The following XRRA1 variants were observed in gnomAD, a reference collection of about 807,000 sequenced individuals.
The protein encoded by XRRA1 is X-ray radiation resistance-associated protein 1.
Under a neutral mutation model 80.2 loss-of-function variants are expected in XRRA1, and 69 were observed. The observed-to-expected ratio is 0.86, with a 90% CI of 0.71 to 1.05. The LOEUF (loss-of-function observed/expected upper bound fraction) is 1.05. Among genes scored for constraint, XRRA1 ranks in the 50% least tolerant of loss-of-function variants. The pLI is 0.00. For missense variants in XRRA1, 967 were observed against 976.4 expected (o/e 0.99, Z 0.13); for synonymous variants, 348 against 389.9 (o/e 0.89, Z 1.27).
intron 10 of XRRA1, among the ~76,000 whole-genome samples, chr11:74,899,554 CA>C (rs2053142866): frequency 6.6e-6 from 1 of 151,912 alleles, no homozygotes; most frequent in South Asian, 2.1e-4. Flanking sequence ...TAAATAAAAT[CA>C]GAGATAAAAA....
At chr11:74,939,576 C>T (rs1183310918) in intron 3 of XRRA1, among the ~76,000 whole-genome samples, 1 of 152,136 alleles carries the variant, frequency 6.6e-6, no homozygotes, top group East Asian at 1.9e-4. Flanking sequence ...TTACTTCTGG[C>T]ACCATAAGAT....
At chr11:74,904,569 T>A (rs1212370678) in intron 10 of XRRA1, among the ~76,000 whole-genome samples, 1 of 150,990 alleles carries the variant, frequency 6.6e-6, no homozygotes, top group Non-Finnish European at 1.5e-5. Flanking sequence ...AACTTAGTGC[T>A]CACAAGAAGA....
At chr11:74,914,049 G>A (rs1937645558) in intron 8 of XRRA1, among the ~76,000 whole-genome samples, 2 of 152,100 alleles carry the variant, frequency 1.3e-5, no homozygotes, top group Admixed American at 1.3e-4. Context: ...GCAGTGGTGT[G>A]ATCTTGGCTC....
In XRRA1 at chr11:74,877,924, C is replaced by T. The variant is rs1181177972; in HGVS notation, c.1004-14903G>A. ...TGTGAATAATGCTGCAATAAACATA[C>T]GTGTGCATGTGTCTTTATAGCAGCA... On this transcript the variant is annotated intron_variant, in intron 10 of 18. Transcript: ENST00000684022. Among the ~76,000 whole-genome samples, 13 of 151,818 alleles carry T rather than the reference C, an allele frequency of 8.6e-5. No individual in the cohort carries two copies. The East Asian group carries it at 1.6e-3, about 18-fold the overall frequency.
chr11:74,847,121 T>C (rs994458602), intron 15 of XRRA1, among the ~76,000 whole-genome samples: 1 of 152,216 alleles, frequency 6.6e-6, no homozygotes, highest in Non-Finnish European at 1.5e-5. Context: ...TCTCAAATTG[T>C]TTCTTTTAAA....
Position 74,906,308 on chromosome 11 carries a change from T to A in XRRA1, c.934A>T (p.Met312Leu). ...PQFMLQSKPR[M>L]LEDSDEQLDY... ...AGTTGCTCATCTGAGTCCTCAAGCA[T>A]CCTTGGCTTGGACTGCAGCATGAAT... The change falls in exon 10 of 19, where the codon ATG becomes TTG. Residue 312 changes from methionine (M) to leucine (L), a missense_variant. Physicochemically the swap from Met to Leu is conservative, Grantham distance 15. Transcript: ENST00000684022. The A allele has an allele frequency of 6.2e-7, 1 of 1,614,014 alleles. No homozygotes were observed.
At chr11:74,852,494 C>T (rs928672260) in intron 12 of XRRA1, among the ~76,000 whole-genome samples, 4 of 152,172 alleles carry the variant, frequency 2.6e-5, no homozygotes, top group African/African-American at 9.7e-5. Flanking sequence ...CTTCAGGATA[C>T]AATTTGACAC....
At chr11:74,922,609 T>C (rs1417923639) in intron 7 of XRRA1, among the ~76,000 whole-genome samples, 1 of 152,204 alleles carries the variant, frequency 6.6e-6, no homozygotes, top group Non-Finnish European at 1.5e-5. Context: ...TTTCAGCAAC[T>C]TATTCAATTG....
chr11:74,934,374 G>A (rs1354686666), intron 4 of XRRA1, among the ~76,000 whole-genome samples: 4 of 151,978 alleles, frequency 2.6e-5, no homozygotes, highest in Non-Finnish European at 5.9e-5. Context: ...ATTTATTTAT[G>A]GTACCCACCA....
At chr11:74,917,660 C>A (rs904890869) in intron 8 of XRRA1, among the ~76,000 whole-genome samples, 1 of 152,162 alleles carries the variant, frequency 6.6e-6, no homozygotes, top group African/African-American at 2.4e-5. Flanking sequence ...CTCATAACCA[C>A]AACCTAAGGT....
At chr11:74,890,327 G>A (rs1453945701) in intron 10 of XRRA1, among the ~76,000 whole-genome samples, 1 of 152,196 alleles carries the variant, frequency 6.6e-6, no homozygotes, top group Non-Finnish European at 1.5e-5. Flanking sequence ...AATGAAGGCA[G>A]AAATAAAGAT....
chr11:74,876,932 T>C (rs1372611339), intron 10 of XRRA1: 1 of 152,216 alleles, frequency 6.6e-6, no homozygotes, highest in Non-Finnish European at 1.5e-5. Flanking sequence ...TGATTATCCA[T>C]GAGATTACAG....
chr11:74,882,699 CCTTT>C (rs1181393592), intron 10 of XRRA1, among the ~76,000 whole-genome samples: 1 of 151,574 alleles, frequency 6.6e-6, no homozygotes, highest in Non-Finnish European at 1.5e-5. Context: ...GTGTGGATGT[CCTTT>C]CTGTTTGTTA....
intron 8 of XRRA1, among the ~76,000 whole-genome samples, chr11:74,918,416 G>A (rs1328183420): frequency 1.3e-5 from 2 of 152,100 alleles, no homozygotes; most frequent in Non-Finnish European, 2.9e-5. Context: ...CTTTAGAAGA[G>A]AAAATAATAT....
At position 74,843,881 on chromosome 11, in the gene XRRA1, G is replaced by T. The variant is rs867010109; in HGVS notation, c.2122C>A (p.Pro708Thr). ...LDDIFIRLRD[P>T]RNITEAPLGA... ...AGTGGAGCCTCTGTAATGTTCCGGG[G>T]ATCCCGCAAGCGAATGAAGATGTCA... The change falls in exon 18 of 19, where the codon CCC becomes ACC. Residue 708 changes from proline (P) to threonine (T), a missense_variant. Physicochemically the swap from Pro to Thr is conservative, Grantham distance 38. Coordinates refer to ENST00000684022, the MANE Select transcript of XRRA1 (RefSeq NM_001378157.1). The T allele has an allele frequency of 6.2e-7, 1 of 1,612,222 alleles. No homozygotes were observed. The highest frequency in any genetic ancestry group is 1.3e-5 in the African/African-American group (1 of 74,906).
At chr11:74,929,641 C>T (rs775346826) in intron 6 of XRRA1, among the ~76,000 whole-genome samples, 6 of 152,190 alleles carry the variant, frequency 3.9e-5, no homozygotes, top group African/African-American at 4.8e-5. Context: ...CTCCAGCAGC[C>T]GGAAATGCCT....
chr11:74,883,820 G>A (rs780906854), intron 10 of XRRA1, among the ~76,000 whole-genome samples: 1 of 152,176 alleles, frequency 6.6e-6, no homozygotes, highest in Admixed American at 6.5e-5. Context: ...GATACAGGGG[G>A]TAGAAAGAAA....
chr11:74,850,116 A>C (rs2135513244), intron 14 of XRRA1, among the ~76,000 whole-genome samples: 1 of 152,288 alleles, frequency 6.6e-6, no homozygotes, highest in South Asian at 2.1e-4. Flanking sequence ...GTTAGTCAGA[A>C]CCTTTGATGG....
intron 10 of XRRA1, among the ~76,000 whole-genome samples, chr11:74,877,606 T>TC (rs2046358622): frequency 1.2e-5 from 1 of 86,636 alleles, no homozygotes; most frequent in South Asian, 4.9e-4. Flanking sequence ...ATGCTATCCC[T>TC]CCCCCCTCCC....
Sources: allele counts gnomAD v4.1 joint callset (sites outside exome capture counted in the v4.1 genomes callset), GRCh38; gene constraint gnomAD v4.1.1; transcripts MANE v1.5; gene names NCBI Gene and HGNC (gene_info 2026-07-23, HGNC 2026-07-21).